Variants in TMPRSS11E observed in about 807,000 individuals in gnomAD.
The protein encoded by TMPRSS11E is transmembrane protease serine 11E.
In TMPRSS11E, 38 loss-of-function variants were observed where a neutral mutation model predicts 48.1. The observed-to-expected ratio is 0.79, with a 90% CI of 0.61 to 1.04. TMPRSS11E has a LOEUF of 1.04. Among genes scored for constraint, TMPRSS11E ranks in the 50% least tolerant of loss-of-function variants. TMPRSS11E has a pLI of 0.00. For synonymous variants in TMPRSS11E, 158 were observed against 171.9 expected (o/e 0.92, Z 0.63); for missense variants, 530 against 510.8 (o/e 1.04, Z -0.36).
At chr4:68,477,310 A>T in intron 7 of TMPRSS11E, 59 bp from the exon 8 acceptor site, 1 of 1,479,276 alleles carries the variant, frequency 6.8e-7, no homozygotes, top group Non-Finnish European at 9.1e-7. Context: ...TATTTAATAT[A>T]AATTATTCGA....
intron 2 of TMPRSS11E, among the ~76,000 whole-genome samples, chr4:68,463,578 C>T (rs1728850848): frequency 6.6e-6 from 1 of 152,192 alleles, no homozygotes; most frequent in South Asian, 2.1e-4. Flanking sequence ...GTTGGGATTA[C>T]AGGCATAAGC....
At chr4:68,491,770 C>G (rs1284114276) in intron 9 of TMPRSS11E, among the ~76,000 whole-genome samples, 1 of 152,176 alleles carries the variant, frequency 6.6e-6, no homozygotes, top group Non-Finnish European at 1.5e-5. Context: ...CCATGTTACT[C>G]TGTGTGCTTT....
At chr4:68,447,639 A>G in intron 1 of TMPRSS11E, 116 bp downstream of exon 1, 1 of 816,274 alleles carries the variant, frequency 1.2e-6, no homozygotes, top group South Asian at 2.0e-5. Context: ...TAAATATAGA[A>G]ACATATTTTT....
At chr4:68,450,475 C>T (rs1728466549) in intron 1 of TMPRSS11E, among the ~76,000 whole-genome samples, 1 of 151,742 alleles carries the variant, frequency 6.6e-6, no homozygotes, top group African/African-American at 2.4e-5. Flanking sequence ...AACATATTGT[C>T]TACCATGTGT....
intron 1 of TMPRSS11E, among the ~76,000 whole-genome samples, chr4:68,455,827 T>C (rs1455142844): frequency 6.6e-6 from 1 of 152,032 alleles, no homozygotes; most frequent in Admixed American, 6.6e-5. Flanking sequence ...GTTGCTCAGG[T>C]AATGCCAGTT....
At position 68,449,551 on chromosome 4, in the gene TMPRSS11E, T is replaced by C. The variant is rs937375287; in HGVS notation, c.11+2028T>C. ...AGGGTAAGCACTGTCTCTAAAAGTG[T>C]GGTCCGTAGACCCCTGCATTACAGT... On this transcript the variant is annotated intron_variant, in intron 1 of 9. Transcript: ENST00000305363. 2.3e-4 allele frequency among the ~76,000 whole-genome samples: 35 copies of C among 151,810 alleles called. 1 individual carries two copies. The highest frequency in any genetic ancestry group is 8.0e-4 in the African/African-American group (33 of 41,396).
At chr4:68,455,299 T>C (rs1475678765) in intron 1 of TMPRSS11E, among the ~76,000 whole-genome samples, 3 of 151,968 alleles carry the variant, frequency 2.0e-5, no homozygotes, top group Admixed American at 6.6e-5. Context: ...ATGTGAGGCA[T>C]GGAACATTAG....
intron 9 of TMPRSS11E, among the ~76,000 whole-genome samples, chr4:68,489,908 C>T: frequency 6.6e-6 from 1 of 152,214 alleles, no homozygotes; most frequent in East Asian, 1.9e-4. Flanking sequence ...GGCACCCATG[C>T]CATGCTCTGC....
chr4:68,462,703 A>G (rs2060993), intron 2 of TMPRSS11E, among the ~76,000 whole-genome samples: 27,323 of 152,170 alleles, frequency 0.18, 2,821 homozygotes, highest in Admixed American at 0.25. Context: ...AAATAGTCAT[A>G]GTGATGTATT....
chr4:68,485,410 G>C (rs1729525264), intron 9 of TMPRSS11E, among the ~76,000 whole-genome samples: 1 of 152,110 alleles, frequency 6.6e-6, no homozygotes, highest in Non-Finnish European at 1.5e-5. Flanking sequence ...GCCTCCCAAA[G>C]TGCTGGGATT....
At chr4:68,488,535 C>CTCTCTTCTCT (rs372536173) in intron 9 of TMPRSS11E, among the ~76,000 whole-genome samples, 2 of 151,822 alleles carry the variant, frequency 1.3e-5, no homozygotes, top group East Asian at 3.9e-4. Context: ...TTTTTCTTTT[C>CTCTCTTCTCT]TCTCTTCTCT....
chr4:68,464,823 C>T (rs892017900), intron 2 of TMPRSS11E, among the ~76,000 whole-genome samples: 3 of 152,114 alleles, frequency 2.0e-5, no homozygotes, highest in Admixed American at 1.3e-4. Context: ...GATTAGCTAC[C>T]AGAAGCATCA....
rs1336577571 is a variant in TMPRSS11E, at chr4:68,471,483, C to T, written c.350C>T (p.Ala117Val). Residue 117 changes from alanine (A) to valine (V), a missense_variant, in exon 5 of 10, where the codon GCT becomes GTT. Physicochemically the swap from Ala to Val is moderately conservative, Grantham distance 64. Transcript: ENST00000305363. ...KFSQQKHGVLAHMLLICRFHS... is the reference protein window; with the variant it reads ...KFSQQKHGVLVHMLLICRFHS... ...AGTCAACAGAAGCATGGAGTGTTGGCTCATATGCTGTTGATTTGTAGATTT... is the reference window on the plus strand; with the variant it reads ...AGTCAACAGAAGCATGGAGTGTTGGTTCATATGCTGTTGATTTGTAGATTT... 3.8e-6 allele frequency: 6 copies of T among 1,559,536 alleles called. No individual in the cohort carries two copies. The highest frequency in any genetic ancestry group is 3.7e-5 in the Admixed American group (2 of 54,292).
chr4:68,477,703 T>G, intron 8 of TMPRSS11E, 75 bp downstream of exon 8: 1 of 1,535,920 alleles, frequency 6.5e-7, no homozygotes, highest in Non-Finnish European at 8.9e-7. Flanking sequence ...AATGCCATTA[T>G]GCCAAAATAT....
chr4:68,450,804 G>A (rs1014810670), intron 1 of TMPRSS11E, among the ~76,000 whole-genome samples: 10 of 151,894 alleles, frequency 6.6e-5, no homozygotes, highest in African/African-American at 2.4e-4. Context: ...GGTGATCAGA[G>A]TATAGCACTT....
At chr4:68,471,103 T>A (rs1173522007) in intron 4 of TMPRSS11E, among the ~76,000 whole-genome samples, 1 of 151,950 alleles carries the variant, frequency 6.6e-6, no homozygotes, top group South Asian at 2.1e-4. Context: ...GAGGCTGAAT[T>A]TGTGGTTCTT....
chr4:68,485,086 C>T (rs1057431830), intron 9 of TMPRSS11E, among the ~76,000 whole-genome samples: 6 of 152,114 alleles, frequency 3.9e-5, no homozygotes, highest in Non-Finnish European at 8.8e-5. Flanking sequence ...ATGGGGTTGT[C>T]ATAGAAGGCT....
chr4:68,479,570 T>C (rs1729349276), intron 9 of TMPRSS11E, among the ~76,000 whole-genome samples: 1 of 149,924 alleles, frequency 6.7e-6, no homozygotes, highest in East Asian at 1.9e-4. Context: ...GAGTATAGAA[T>C]AAAAAACTTA....
chr4:68,496,413 G>C (rs1241708770), intron 9 of TMPRSS11E, among the ~76,000 whole-genome samples: 1 of 152,008 alleles, frequency 6.6e-6, no homozygotes. Flanking sequence ...TGTTTTGAAG[G>C]TTTCAAGGTA....
Sources: gnomAD v4.1 joint callset for allele counts (sites outside exome capture counted in the v4.1 genomes callset) on GRCh38, gnomAD v4.1.1 for gene constraint, MANE v1.5 for transcripts, NCBI Gene and HGNC (gene_info 2026-07-23, HGNC 2026-07-21) for gene names.